KRTAP6-1: variants seen among roughly 807,000 people sequenced by gnomAD.
KRTAP6-1 encodes the protein keratin-associated protein 6-1.
Under a neutral mutation model 1.6 loss-of-function variants are expected in KRTAP6-1, and 2 were observed. That is an observed-to-expected ratio of 1.22 (90% confidence interval 0.50 to 3.85). The LOEUF (loss-of-function observed/expected upper bound fraction) is 3.85, where lower values mean the gene tolerates loss of function less well. KRTAP6-1 is among the 30% of genes most tolerant of loss of function. The pLI, the probability that KRTAP6-1 is intolerant of heterozygous loss-of-function variation, is 0.07. For missense variants in KRTAP6-1, 78 were observed against 87.7 expected, an observed-to-expected ratio of 0.89 and a Z score of 0.44; for synonymous variants, 38 against 38.5, an observed-to-expected ratio of 0.99 and a Z score of 0.05.
At chr21:30,613,778 G>A (rs74914596) in exon 1 of KRTAP6-1, 73,305 of 1,613,858 alleles carry the variant, frequency 0.045, 2,084 homozygotes, top group South Asian at 0.1. Flanking sequence ...CCCAGTCTGC[G>A]GAAGCCACAG....
chr21:30,613,923 T>A (rs1050721046), exon 1 of KRTAP6-1: 1 of 1,613,412 alleles, frequency 6.2e-7, no homozygotes, highest in Non-Finnish European at 8.5e-7. Context: ...TTGTGGAGGT[T>A]GTCCTTGGGT....
exon 1 of KRTAP6-1, chr21:30,613,821 T>TCCATAG (rs1391018225): frequency 1.2e-6 from 2 of 1,613,592 alleles, no homozygotes; most frequent in South Asian, 2.2e-5. Flanking sequence ...AGCCCAGGCC[T>TCCATAG]CCATAGCCAT....
At chr21:30,613,699 T>G in exon 1 of KRTAP6-1, 3 of 1,613,954 alleles carry the variant, frequency 1.9e-6, no homozygotes, top group Non-Finnish European at 2.5e-6. Flanking sequence ...TCAATAATAG[T>G]AGCCAGAGCC....
chr21:30,613,780 A>AAGCCAC (rs747839255), exon 1 of KRTAP6-1: 14 of 1,613,450 alleles, frequency 8.7e-6, no homozygotes, highest in East Asian at 4.5e-5. Context: ...CAGTCTGCGG[A>AAGCCAC]AGCCACAGCC....
At chr21:30,613,918 G>A in exon 1 of KRTAP6-1, 1 of 1,613,692 alleles carries the variant, frequency 6.2e-7, no homozygotes, top group Non-Finnish European at 8.5e-7. Flanking sequence ...GTTGGTTGTG[G>A]AGGTTGTCCT....
chr21:30,613,550 ATGG>A (rs1980615924), exon 1 of KRTAP6-1: 57 of 1,469,514 alleles, frequency 3.9e-5, no homozygotes, highest in Non-Finnish European at 4.8e-5. Flanking sequence ...TGTAGGTTAG[ATGG>A]TAGCTCAACA....
At chr21:30,613,814 C>G (rs1426252106) in exon 1 of KRTAP6-1, 2 of 1,612,804 alleles carry the variant, frequency 1.2e-6, no homozygotes, top group Non-Finnish European at 1.7e-6. Flanking sequence ...TAGCCACAGC[C>G]CAGGCCTCCA....
At chr21:30,613,855 A>C in exon 1 of KRTAP6-1, 2 of 1,614,128 alleles carry the variant, frequency 1.2e-6, no homozygotes, top group African/African-American at 2.7e-5. Context: ...ATAGCCACAG[A>C]ACCCATAGCC....
exon 1 of KRTAP6-1, chr21:30,613,865 C>T (rs1182781587): frequency 3.1e-6 from 5 of 1,614,068 alleles, no homozygotes; most frequent in Non-Finnish European, 4.2e-6. Context: ...AACCCATAGC[C>T]AGGGGTGCCA....
At chr21:30,613,557 C>A in exon 1 of KRTAP6-1, 1 of 1,501,164 alleles carries the variant, frequency 6.7e-7, no homozygotes, top group Non-Finnish European at 8.9e-7. Flanking sequence ...TAGATGGTAG[C>A]TCAACAACAG....
chr21:30,613,899 A>G (rs1245570122), exon 1 of KRTAP6-1: 1 of 1,614,034 alleles, frequency 6.2e-7, no homozygotes. Context: ...AGTAGCTGCC[A>G]CACATGGTGT....
chr21:30,613,791 A>C (rs915177360), exon 1 of KRTAP6-1: 1 of 1,613,522 alleles, frequency 6.2e-7, no homozygotes, highest in Non-Finnish European at 8.5e-7. Context: ...AGCCACAGCC[A>C]CAGCAGGAGC....
exon 1 of KRTAP6-1, chr21:30,613,591 G>A: frequency 6.3e-7 from 1 of 1,579,572 alleles, no homozygotes; most frequent in Non-Finnish European, 8.6e-7. Context: ...TCCATTGCAG[G>A]ATATCATCAC....
At chr21:30,613,794 G>A (rs375301612) in exon 1 of KRTAP6-1, 1 of 1,613,600 alleles carries the variant, frequency 6.2e-7, no homozygotes, top group East Asian at 2.2e-5. Context: ...CACAGCCACA[G>A]CAGGAGCCAT....
exon 1 of KRTAP6-1, chr21:30,613,436 T>G: frequency 1.6e-6 from 1 of 623,228 alleles, no homozygotes. Flanking sequence ...AGCTCCATCA[T>G]AAAAGTCATC....
At chr21:30,613,680 A>G (rs1452302226) in exon 1 of KRTAP6-1, 3 of 1,613,964 alleles carry the variant, frequency 1.9e-6, no homozygotes, top group East Asian at 2.2e-5. Flanking sequence ...AGAGTCTCCC[A>G]TGGCATCCTC....
exon 1 of KRTAP6-1, chr21:30,613,563 A>G (rs1980616172): frequency 1.3e-6 from 2 of 1,525,570 alleles, no homozygotes; most frequent in Non-Finnish European, 8.8e-7. Context: ...GTAGCTCAAC[A>G]ACAGACCATA....
At chr21:30,613,664 A>G in exon 1 of KRTAP6-1, 1 of 1,613,918 alleles carries the variant, frequency 6.2e-7, no homozygotes, top group Non-Finnish European at 8.5e-7. Flanking sequence ...CACAGGATAG[A>G]GGGTGAGAGT....
chr21:30,613,523 T>A, exon 1 of KRTAP6-1: 1 of 1,367,430 alleles, frequency 7.3e-7, no homozygotes, highest in Non-Finnish European at 9.7e-7. Flanking sequence ...CGTTTCATGA[T>A]GGAAATTCAA....
Sources: allele counts gnomAD v4.1 joint callset, GRCh38; gene constraint gnomAD v4.1.1; transcripts MANE v1.5; gene names NCBI Gene and HGNC (gene_info 2026-07-23, HGNC 2026-07-21).